The following FBXL13 variants were observed in gnomAD, a reference collection of about 807,000 sequenced individuals.
FBXL13 encodes F-box and leucine-rich repeat protein 13.
FBXL13 carries 67 observed loss-of-function variants against 83.6 expected under a neutral mutation model. The observed-to-expected ratio is 0.80, with a 90% CI of 0.66 to 0.98. FBXL13 has a LOEUF of 0.98. Ranked by LOEUF, FBXL13 falls within the 50% of genes least tolerant of loss-of-function variation. The pLI is 0.00. For synonymous variants in FBXL13, 272 were observed against 299.5 expected (o/e 0.91, Z 0.95); for missense variants, 822 against 866.5 (o/e 0.95, Z 0.64).
At chr7:102,920,920 G>A (rs528246204) in intron 10 of FBXL13, among the ~76,000 whole-genome samples, 52 of 152,202 alleles carry the variant, frequency 3.4e-4, no homozygotes, top group Non-Finnish European at 5.7e-4. Context: ...TTGGGAGGCC[G>A]AGGTGGGCGG....
chr7:102,822,130 A>G, exon 19 of FBXL13: 1 of 1,614,238 alleles, frequency 6.2e-7, no homozygotes, highest in East Asian at 2.2e-5. Flanking sequence ...AGTAAGCAAG[A>G]CACAACCAGA....
At chr7:103,024,528 C>CAA (rs11318355) in intron 6 of FBXL13, among the ~76,000 whole-genome samples, 11 of 46,762 alleles carry the variant, frequency 2.4e-4, no homozygotes, top group Admixed American at 6.6e-4. Flanking sequence ...AACTCCATCT[C>CAA]AAAAAAAAAA....
chr7:102,953,399 G>C (rs997740219), intron 8 of FBXL13, among the ~76,000 whole-genome samples: 1 of 152,054 alleles, frequency 6.6e-6, no homozygotes, highest in African/African-American at 2.4e-5. Flanking sequence ...AATAATAATA[G>C]AAGGAAAGAG....
At chr7:102,848,520 C>T (rs1804552533) in intron 17 of FBXL13, among the ~76,000 whole-genome samples, 1 of 37,488 alleles carries the variant, frequency 2.7e-5, no homozygotes, top group Non-Finnish European at 3.9e-5. Flanking sequence ...TGCGCCACTG[C>T]ACTCCAGCCT....
intron 8 of FBXL13, among the ~76,000 whole-genome samples, chr7:102,949,579 A>T (rs992020547): frequency 6.6e-5 from 10 of 152,198 alleles, no homozygotes; most frequent in African/African-American, 2.4e-4. Context: ...TACCAAGATA[A>T]GACAGACATT....
At chr7:103,052,849 C>T (rs1796963543) in intron 2 of FBXL13, among the ~76,000 whole-genome samples, 1 of 151,298 alleles carries the variant, frequency 6.6e-6, no homozygotes. Context: ...CTCCGCCTCC[C>T]AGGTTCAAGT....
chr7:102,859,012 T>TA (rs1806424929), intron 16 of FBXL13, among the ~76,000 whole-genome samples: 1 of 152,108 alleles, frequency 6.6e-6, no homozygotes, highest in South Asian at 2.1e-4. Flanking sequence ...TATGTCTCAA[T>TA]AAAAAATGTT....
intron 9 of FBXL13, among the ~76,000 whole-genome samples, chr7:102,928,241 A>T (rs2129472404): frequency 6.6e-6 from 1 of 152,276 alleles, no homozygotes; most frequent in East Asian, 1.9e-4. Context: ...CATCCAAACA[A>T]ATTTAGACCA....
chr7:102,911,373 A>ACAACGGCGAGTT (rs1814651133), intron 11 of FBXL13, among the ~76,000 whole-genome samples: 1 of 152,230 alleles, frequency 6.6e-6, no homozygotes, highest in Non-Finnish European at 1.5e-5. Flanking sequence ...GGGTTTAAGC[A>ACAACGGCGAGTT]CAACGGCGAG....
At chr7:102,896,527 C>A (rs142277374) in intron 11 of FBXL13, among the ~76,000 whole-genome samples, 1 of 152,184 alleles carries the variant, frequency 6.6e-6, no homozygotes, top group South Asian at 2.1e-4. Context: ...TAAAGTACCA[C>A]AAACTGGATG....
In FBXL13 at chr7:102,926,387, CAG is replaced by C. The variant is rs749383436; in HGVS notation, c.778-15_778-14del. 5.0e-6 allele frequency: 8 copies of C among 1,603,706 alleles called. No individual in the cohort carries two copies. The South Asian group carries it at 7.8e-5, about 16-fold the overall frequency. ...TCATTGATTCATCCTGCATGAAAAA[CAG>C]AGGGAAGAGGCTTATCAAATTATAG... On this transcript the variant is annotated splice_polypyrimidine_tract_variant and intron_variant, in intron 9 of 19. Transcript: ENST00000313221.
At chr7:102,901,207 A>G (rs189297018) in intron 11 of FBXL13, among the ~76,000 whole-genome samples, 1 of 152,310 alleles carries the variant, frequency 6.6e-6, no homozygotes, top group East Asian at 1.9e-4. Context: ...AAACTCCAAA[A>G]TTTTACATAT....
chr7:102,822,625 C>A (rs1798956948), intron 18 of FBXL13, among the ~76,000 whole-genome samples: 1 of 152,200 alleles, frequency 6.6e-6, no homozygotes, highest in Non-Finnish European at 1.5e-5. Context: ...GACAAACATT[C>A]AATTCATAAC....
intron 2 of FBXL13, among the ~76,000 whole-genome samples, chr7:103,049,539 C>T (rs1796602023): frequency 6.6e-6 from 1 of 152,136 alleles, no homozygotes. Context: ...AAGAAGATTA[C>T]TACAGTAGTT....
chr7:103,024,488 A>G (rs763229804), intron 6 of FBXL13, among the ~76,000 whole-genome samples: 48 of 149,214 alleles, frequency 3.2e-4, no homozygotes, highest in Non-Finnish European at 6.1e-4. Flanking sequence ...GATTGCACCA[A>G]TGCACTTCCA....
chr7:102,930,714 A>G lies in FBXL13; in HGVS notation c.777+1167T>C, dbSNP rs190115799. ...TGAATATCCTCTGTTCCTAAAAGTC[A>G]GCATTCCGTAAGGCTCAACTTTAAG... On this transcript the variant is annotated intron_variant, in intron 9 of 19. Transcript: ENST00000313221. Among the ~76,000 whole-genome samples the G allele has an allele frequency of 7.9e-5, 12 of 152,238 alleles. No individual in the cohort carries two copies. In the East Asian group the frequency reaches 2.3e-3, roughly 29 times the overall value.
chr7:102,863,513 TGGG>T (rs11316569), intron 16 of FBXL13, among the ~76,000 whole-genome samples: 1 of 142,732 alleles, frequency 7.0e-6, no homozygotes, highest in Admixed American at 7.3e-5. Context: ...GGGATAAAAT[TGGG>T]GGGGGGGATG....
At chr7:102,897,101 T>G (rs1389568768) in intron 11 of FBXL13, among the ~76,000 whole-genome samples, 1 of 151,588 alleles carries the variant, frequency 6.6e-6, no homozygotes, top group Non-Finnish European at 1.5e-5. Context: ...CATATACTTT[T>G]AAATACATAT....
rs1017291040 is a variant in FBXL13, at chr7:102,853,516, G to A, written c.1719+1261C>T. ...AATGGCAACAAAAGCCAAAATTGATGAATGGGATCTAATTAAACTAAAGAG... is the reference window on the plus strand; with the variant it reads ...AATGGCAACAAAAGCCAAAATTGATAAATGGGATCTAATTAAACTAAAGAG... On this transcript the variant is annotated intron_variant, in intron 17 of 19. Coordinates refer to ENST00000313221, the Ensembl canonical transcript of FBXL13. 1.8e-4 allele frequency among the ~76,000 whole-genome samples: 27 copies of A among 152,180 alleles called. No homozygotes were observed. In the East Asian group the frequency reaches 3.9e-3, roughly 22 times the overall value.
Sources: allele counts gnomAD v4.1 joint callset (sites outside exome capture counted in the v4.1 genomes callset), GRCh38; gene constraint gnomAD v4.1.1; transcripts MANE v1.5; gene names NCBI Gene and HGNC (gene_info 2026-07-23, HGNC 2026-07-21).